RNF214: variants seen among roughly 807,000 people sequenced by gnomAD.
RNF214 encodes ring finger protein 214.
In RNF214, 25 loss-of-function variants were observed where a neutral mutation model predicts 75.9. That is an observed-to-expected ratio of 0.33 (90% CI 0.24 to 0.46). The LOEUF is 0.46. Among genes scored for constraint, RNF214 ranks in the 20% least tolerant of loss-of-function variants. The pLI is 1.00. For missense variants in RNF214, 725 were observed against 857.5 expected (o/e 0.85, Z 1.93); for synonymous variants, 314 against 308.8 (o/e 1.02, Z -0.18).
chr11:117,269,644 T>C (rs896488179), intron 6 of RNF214, among the ~76,000 whole-genome samples: 4 of 152,252 alleles, frequency 2.6e-5, no homozygotes, highest in Non-Finnish European at 4.4e-5. Flanking sequence ...ATTACAGGCG[T>C]GAGCCACTGG....
rs760910814 is a variant in RNF214, at chr11:117,282,755, C to T, written c.1855C>T (p.Arg619Cys). The T allele has an allele frequency of 2.7e-5, 43 of 1,613,836 alleles. No homozygotes were observed. The highest frequency in any genetic ancestry group is 3.6e-5 in the Non-Finnish European group (42 of 1,179,832). The change falls in exon 13 of 15, where the codon CGC (arginine) becomes TGC (cysteine). Residue 619 changes from arginine to cysteine, a missense_variant. Physicochemically the swap from Arg to Cys is radical, Grantham distance 180. Coordinates refer to ENST00000300650, the MANE Select transcript of RNF214 (RefSeq NM_207343.4). ...RVAASTQPLG[R>C]IRALFPAPLA... ...ATGTTTCTACCTACAGCCACTTGGTCGCATCCGGGCCTTGTTCCCTGCTCC... is the reference window on the plus strand; with the variant it reads ...ATGTTTCTACCTACAGCCACTTGGTTGCATCCGGGCCTTGTTCCCTGCTCC...
intron 6 of RNF214, among the ~76,000 whole-genome samples, chr11:117,266,608 T>C (rs2033801708): frequency 6.6e-6 from 1 of 152,120 alleles, no homozygotes; most frequent in African/African-American, 2.4e-5. Context: ...GATTTGCCTT[T>C]GTTGGCCTCC....
chr11:117,272,062 C>T (rs2134408322), intron 6 of RNF214, among the ~76,000 whole-genome samples: 1 of 152,238 alleles, frequency 6.6e-6, no homozygotes, highest in South Asian at 2.1e-4. Context: ...GATCCTCCTA[C>T]TTTGGCCTTC....
At chr11:117,270,906 C>CT (rs200026622) in intron 6 of RNF214, among the ~76,000 whole-genome samples, 1,742 of 150,464 alleles carry the variant, frequency 0.012, 38 homozygotes, top group African/African-American at 0.039. Flanking sequence ...TTTCTTTTTT[C>CT]TTTTTTTTGA....
chr11:117,233,065 C>T (rs1335449782), intron 1 of RNF214, among the ~76,000 whole-genome samples: 1 of 152,298 alleles, frequency 6.6e-6, no homozygotes, highest in East Asian at 1.9e-4. Context: ...GCCCGAGGAC[C>T]CGTGGCTCCG....
intron 14 of RNF214, among the ~76,000 whole-genome samples, chr11:117,283,632 T>A (rs1341666141): frequency 6.6e-6 from 1 of 151,918 alleles, no homozygotes; most frequent in Admixed American, 6.6e-5. Context: ...GTGTTGGGAG[T>A]ACAGGCGTGA....
Position 117,267,707 on chromosome 11 carries a change from C to T in RNF214, c.960-12201C>T, listed in dbSNP as rs187191944. On this transcript the variant is annotated intron_variant, in intron 6 of 14. Coordinates refer to ENST00000300650, the MANE Select transcript of RNF214 (RefSeq NM_207343.4). The stretch of plus-strand genomic sequence containing the variant: ...TTGCACCACTGCATTCCAGCCTGGG[C>T]GACAGAGCAAGATCATGTCTGAAAA... Among the ~76,000 whole-genome samples the T allele has an allele frequency of 1.0e-3, 157 of 150,168 alleles. 3 individuals carry two copies. In the East Asian group the frequency reaches 0.025, roughly 24 times the overall value.
At chr11:117,283,553 G>T (rs1029256692) in intron 14 of RNF214, among the ~76,000 whole-genome samples, 1 of 151,966 alleles carries the variant, frequency 6.6e-6, no homozygotes, top group East Asian at 1.9e-4. Context: ...TAGAGACAGG[G>T]TTTCACCATA....
intron 2 of RNF214, among the ~76,000 whole-genome samples, chr11:117,237,533 T>C (rs2032943776): frequency 6.6e-6 from 1 of 152,196 alleles, no homozygotes; most frequent in Non-Finnish European, 1.5e-5. Flanking sequence ...AAATTAAACA[T>C]AGGCGTAATT....
At chr11:117,256,002 G>A (rs1265010671) in intron 6 of RNF214, among the ~76,000 whole-genome samples, 1 of 152,070 alleles carries the variant, frequency 6.6e-6, no homozygotes, top group African/African-American at 2.4e-5. Flanking sequence ...ATATCTCTAG[G>A]TATGACCTTA....
intron 4 of RNF214, among the ~76,000 whole-genome samples, chr11:117,241,093 T>A (rs1467818918): frequency 1.3e-5 from 2 of 152,030 alleles, no homozygotes; most frequent in Admixed American, 6.6e-5. Context: ...GGCATGAGAT[T>A]AGCTTGAACC....
In RNF214 at chr11:117,278,382, A is replaced by G. The variant is rs556542995; in HGVS notation, c.960-1526A>G. Among the ~76,000 whole-genome samples the G allele has an allele frequency of 2.2e-4, 34 of 152,300 alleles. No homozygotes were observed. In the South Asian group the frequency reaches 4.4e-3, roughly 19 times the overall value. ...TACTTTTCTAAAATGTCGGGGAGAT[A>G]ATTTAAGTATTTTCATCCTATTCTG... On this transcript the variant is annotated intron_variant, in intron 6 of 14. Coordinates refer to ENST00000300650, the MANE Select transcript of RNF214 (RefSeq NM_207343.4).
In RNF214 at chr11:117,282,172, C is replaced by T. The variant is rs756208752; in HGVS notation, c.1614C>T (p.Gly538=). 1.7e-5 allele frequency: 28 copies of T among 1,613,912 alleles called. 1 individual carries two copies. Among genetic ancestry groups the T allele is most frequent in the Admixed American group, 3.3e-5 (2 of 60,006 alleles). The change falls in exon 11 of 15, where the codon GGC becomes GGT. Residue 538 remains glycine (G), a synonymous_variant. Coordinates refer to ENST00000300650, the MANE Select transcript of RNF214 (RefSeq NM_207343.4). The part of the protein sequence containing the change: ...AASIPPPPGL[G]GVKASAETPR... ...CCATCCCACCTCCCCCAGGCTTGGG[C>T]GGTGTTAAGGCTTCTGCTGAAACTC...
chr11:117,264,292 C>T (rs1043400985), intron 6 of RNF214, among the ~76,000 whole-genome samples: 1 of 152,004 alleles, frequency 6.6e-6, no homozygotes. Context: ...CACTGCACTC[C>T]AGCCTGGGTG....
intron 2 of RNF214, among the ~76,000 whole-genome samples, chr11:117,237,992 A>T (rs1200700607): frequency 6.6e-6 from 1 of 152,240 alleles, no homozygotes; most frequent in African/African-American, 2.4e-5. Context: ...CTAAATTAAT[A>T]CATGTAACTA....
In RNF214 at chr11:117,282,772, C is replaced by G. The variant is rs1399361873; in HGVS notation, c.1872C>G (p.Phe624Leu). ...TQPLGRIRALFPAPLAQISTP... is the reference protein window; with the variant it reads ...TQPLGRIRALLPAPLAQISTP... ...CACTTGGTCGCATCCGGGCCTTGTT[C>G]CCTGCTCCACTGGCCCAAATCAGTA... The change falls in exon 13 of 15, where the codon TTC becomes TTG. Residue 624 changes from phenylalanine (F) to leucine (L), a missense_variant. Physicochemically the swap from Phe to Leu is conservative, Grantham distance 22. Around this residue, in one of 2 missense-constraint regions of RNF214, gnomAD observed 363 missense variants for 513.0 expected, o/e 0.71. Transcript: ENST00000300650. 8 of 1,614,000 alleles carry G rather than the reference C, an allele frequency of 5.0e-6. No homozygotes were observed. Among genetic ancestry groups the G allele is most frequent in the Non-Finnish European group, 6.8e-6 (8 of 1,180,012 alleles).
chr11:117,268,839 C>T (rs2033850090), intron 6 of RNF214, among the ~76,000 whole-genome samples: 1 of 152,052 alleles, frequency 6.6e-6, no homozygotes, highest in East Asian at 1.9e-4. Flanking sequence ...CGCTCTTTTT[C>T]TTCTTGGCAA....
chr11:117,278,524 G>A (rs1469152916), intron 6 of RNF214, among the ~76,000 whole-genome samples: 2 of 151,924 alleles, frequency 1.3e-5, no homozygotes, highest in South Asian at 2.1e-4. Flanking sequence ...TTCTGAGTAG[G>A]GTGATCACCC....
chr11:117,271,201 GT>G (rs1209847931), intron 6 of RNF214, among the ~76,000 whole-genome samples: 1 of 152,114 alleles, frequency 6.6e-6, no homozygotes, highest in Non-Finnish European at 1.5e-5. Flanking sequence ...CGCCCAGCCA[GT>G]TTTCTTTAAT....
Sources: gnomAD v4.1 joint callset for allele counts (sites outside exome capture counted in the v4.1 genomes callset) on GRCh38, gnomAD v4.1.1 for gene constraint, gnomAD v4.1.1 regional missense constraint, MANE v1.5 for transcripts, NCBI Gene and HGNC (gene_info 2026-07-23, HGNC 2026-07-21) for gene names.